Variants in ESR1 observed in about 807,000 individuals in gnomAD.
The protein encoded by ESR1 is estrogen receptor 1, also known as estrogen receptor.
Under a neutral mutation model 52.7 loss-of-function variants are expected in ESR1, and 12 were observed. That is an observed-to-expected ratio of 0.23 (90% CI 0.15 to 0.37). The LOEUF is 0.37. ESR1 is among the 10% of genes least tolerant of loss of function. ESR1 has a pLI of 1.00. For missense variants in ESR1, 584 were observed against 779.7 expected (o/e 0.75, Z 2.99); for synonymous variants, 305 against 316.8 (o/e 0.96, Z 0.39).
At chr6:152,030,911 A>G (rs1251257419) in intron 5 of ESR1, among the ~76,000 whole-genome samples, 1 of 152,204 alleles carries the variant, frequency 6.6e-6, no homozygotes, top group African/African-American at 2.4e-5. Context: ...CAGCAAATGT[A>G]AAAGAACAGA....
chr6:151,792,420 A>T (rs75620100), intron 2 of ESR1, among the ~76,000 whole-genome samples: 2 of 147,520 alleles, frequency 1.4e-5, no homozygotes, highest in African/African-American at 5.0e-5. Flanking sequence ...AGCTTACTGT[A>T]TTTTTTTTTT....
chr6:151,780,976 G>A (rs1251023927), intron 2 of ESR1, among the ~76,000 whole-genome samples: 1 of 152,132 alleles, frequency 6.6e-6, no homozygotes, highest in Non-Finnish European at 1.5e-5. Flanking sequence ...AGATTTTGGT[G>A]ATCTTTTTTG....
intron 5 of ESR1, among the ~76,000 whole-genome samples, chr6:152,041,085 GT>G (rs749411012): frequency 5.9e-5 from 9 of 152,208 alleles, no homozygotes; most frequent in Non-Finnish European, 1.2e-4. Context: ...CCAAAGCACA[GT>G]AACAGGCCAA....
intron 5 of ESR1, among the ~76,000 whole-genome samples, chr6:152,057,312 T>A (rs2047178433): frequency 6.6e-6 from 1 of 152,178 alleles, no homozygotes; most frequent in African/African-American, 2.4e-5. Flanking sequence ...TCATTGAGAT[T>A]CAAGCAACAT....
At chr6:151,832,978 A>G (rs1782695350) in intron 1 of ESR1, among the ~76,000 whole-genome samples, 1 of 152,160 alleles carries the variant, frequency 6.6e-6, no homozygotes, top group South Asian at 2.1e-4. Flanking sequence ...TGATGATGAT[A>G]AGGACTCCAG....
intron 1 of ESR1, chr6:151,813,503 A>G (rs1779148155): frequency 6.6e-6 from 1 of 152,146 alleles, no homozygotes; most frequent in African/African-American, 2.4e-5. Context: ...CAATCCTTTA[A>G]ATCTACTTGG....
At chr6:151,869,774 A>T (rs1248875132) in intron 2 of ESR1, among the ~76,000 whole-genome samples, 1 of 152,182 alleles carries the variant, frequency 6.6e-6, no homozygotes, top group East Asian at 1.9e-4. Context: ...TTTTTCTTTG[A>T]AAATTTACTT....
intron 6 of ESR1, among the ~76,000 whole-genome samples, chr6:152,118,104 C>A (rs914431818): frequency 4.6e-5 from 7 of 152,222 alleles, no homozygotes; most frequent in Non-Finnish European, 1.0e-4. Flanking sequence ...ACACATCCCA[C>A]TGTAACATAA....
chr6:151,671,660 A>G lies in ESR1; in HGVS notation n.73+14897A>G, dbSNP rs116726137. Reference sequence around the variant, plus strand: ...AATAATGATGCACTGTATACCTAAAAATTGCTGAGACAGTAGAACTTAAAA... The same window carrying G: ...AATAATGATGCACTGTATACCTAAAGATTGCTGAGACAGTAGAACTTAAAA... On this transcript the variant is annotated intron_variant and non_coding_transcript_variant, in intron 1 of 2. Coordinates refer to the ESR1 transcript ENST00000473497. 3.8e-3 allele frequency among the ~76,000 whole-genome samples: 582 copies of G among 152,242 alleles called. 1 individual carries two copies. The highest frequency in any genetic ancestry group is 0.013 in the African/African-American group (555 of 41,540).
chr6:151,986,311 A>G (rs1484912978), intron 4 of ESR1, among the ~76,000 whole-genome samples: 2 of 152,148 alleles, frequency 1.3e-5, no homozygotes, highest in African/African-American at 4.8e-5. Context: ...TGTGATGAGC[A>G]AAATGTTAGA....
intron 1 of ESR1, among the ~76,000 whole-genome samples, chr6:151,695,896 C>T (rs749769754): frequency 6.6e-6 from 1 of 152,110 alleles, no homozygotes; most frequent in Non-Finnish European, 1.5e-5. Context: ...ACACAAATTG[C>T]TCTTTCTTTC....
At chr6:151,677,618 T>A (rs1778296191) in intron 1 of ESR1, among the ~76,000 whole-genome samples, 1 of 152,238 alleles carries the variant, frequency 6.6e-6, no homozygotes, top group Admixed American at 6.5e-5. Context: ...TTCATAATAC[T>A]CTTTAAAAAG....
At chr6:151,845,096 A>C (rs1298395505) in intron 2 of ESR1, among the ~76,000 whole-genome samples, 1 of 152,186 alleles carries the variant, frequency 6.6e-6, no homozygotes, top group Non-Finnish European at 1.5e-5. Flanking sequence ...TTCAGCATTT[A>C]AGATAAAATT....
intron 2 of ESR1, among the ~76,000 whole-genome samples, chr6:151,863,858 A>G (rs1179864377): frequency 6.6e-6 from 1 of 152,234 alleles, no homozygotes; most frequent in Non-Finnish European, 1.5e-5. Context: ...GGCTAGCCAT[A>G]TGTAGAAAGC....
At chr6:152,037,232 G>A (rs780206568) in intron 5 of ESR1, among the ~76,000 whole-genome samples, 2 of 152,130 alleles carry the variant, frequency 1.3e-5, no homozygotes, top group African/African-American at 2.4e-5. Context: ...AAGGGAGAGA[G>A]GGGGAGAGAG....
intron 2 of ESR1, among the ~76,000 whole-genome samples, chr6:151,850,423 GGGA>G (rs1786442437): frequency 6.6e-6 from 1 of 150,726 alleles, no homozygotes; most frequent in Non-Finnish European, 1.5e-5. Flanking sequence ...AGGAGAGAGA[GGGA>G]GGAGAGAGAG....
At chr6:151,919,587 G>C (rs559007742) in intron 3 of ESR1, among the ~76,000 whole-genome samples, 1 of 152,204 alleles carries the variant, frequency 6.6e-6, no homozygotes, top group Non-Finnish European at 1.5e-5. Flanking sequence ...GTTACAAATT[G>C]TTGACCCCAT....
rs188957694 is a variant in ESR1 at position 151,944,218 on chromosome 6, G to A, written c.806G>A (p.Arg269His). Residue 269 changes from arginine (R) to histidine (H), a missense_variant, in exon 4 of 8, where the codon CGC (arginine) becomes CAC (histidine). Coordinates refer to ENST00000206249, the MANE Select transcript of ESR1 (RefSeq NM_000125.4). Reference sequence around the variant, plus strand: ...GGAGGGAGAATGTTGAAACACAAGCGCCAGAGAGATGATGGGGAGGGCAGG... The same window carrying A: ...GGAGGGAGAATGTTGAAACACAAGCACCAGAGAGATGATGGGGAGGGCAGG... ...RRGGRMLKHK[R>H]QRDDGEGRGE... 51 of 1,614,076 alleles carry A rather than the reference G, an allele frequency of 3.2e-5. 1 individual carries two copies. The highest frequency in any genetic ancestry group is 1.1e-4 in the South Asian group (10 of 91,082).
intron 1 of ESR1, among the ~76,000 whole-genome samples, chr6:151,832,847 A>G (rs922043665): frequency 6.6e-6 from 1 of 152,208 alleles, no homozygotes; most frequent in Non-Finnish European, 1.5e-5. Flanking sequence ...ACAGAATTTT[A>G]GTCATTCCAC....
Sources: allele counts gnomAD v4.1 joint callset (sites outside exome capture counted in the v4.1 genomes callset), GRCh38; gene constraint gnomAD v4.1.1; transcripts MANE v1.5; gene names NCBI Gene and HGNC (gene_info 2026-07-23, HGNC 2026-07-21).